Variants in ZNF565 observed in about 807,000 individuals in gnomAD.
The protein encoded by ZNF565 is zinc finger protein 565.
In ZNF565, 27 loss-of-function variants were observed where a neutral mutation model predicts 39.4. The ratio of observed to expected loss-of-function variants is 0.69; its 90% confidence interval spans 0.51 to 0.95. The LOEUF (loss-of-function observed/expected upper bound fraction) is 0.95, where lower values mean the gene tolerates loss of function less well. Among genes scored for constraint, ZNF565 ranks in the 40% least tolerant of loss-of-function variants. The pLI, the probability that ZNF565 is intolerant of heterozygous loss-of-function variation, is 0.00. For synonymous variants in ZNF565, 185 were observed against 216.6 expected, an observed-to-expected ratio of 0.85 and a Z score of 1.28; for missense variants, 524 against 621.1, an observed-to-expected ratio of 0.84 and a Z score of 1.66.
chr19:36,232,354 GTTAC>G (rs1215343966), intron 1 of ZNF565, among the ~76,000 whole-genome samples: 1 of 151,930 alleles, frequency 6.6e-6, no homozygotes, highest in Non-Finnish European at 1.5e-5. Flanking sequence ...TAAAATGTTT[GTTAC>G]TTCTGCCTTT....
intron 4 of ZNF565, among the ~76,000 whole-genome samples, chr19:36,191,785 G>C (rs139211679): frequency 5.3e-5 from 8 of 152,134 alleles, no homozygotes; most frequent in Non-Finnish European, 1.2e-4. Context: ...AGGAATAAGG[G>C]ACACAGAAAA....
intron 2 of ZNF565, among the ~76,000 whole-genome samples, chr19:36,197,465 C>T (rs990216941): frequency 1.3e-5 from 2 of 151,772 alleles, no homozygotes; most frequent in Non-Finnish European, 2.9e-5. Context: ...GAGCAAGACC[C>T]CATCTCAAAA....
In ZNF565 at chr19:36,245,690, G is replaced by A. The variant is rs2029893606; in HGVS notation, c.-160C>T. On this transcript the variant is annotated 5_prime_UTR_variant, in exon 1 of 5. Transcript: ENST00000355114. This position sits in a 1 kb window ranked among gnomAD's most constrained non-coding sequence, Gnocchi z 4.4. ...GGTGAATGGGTTCAGGGTCTCTTAA[G>A]GACCCTCCGTTGACGATGCCTCGAG... 1 of 622,906 alleles carries A rather than the reference G, an allele frequency of 1.6e-6. No homozygotes were observed. The highest frequency in any genetic ancestry group is 2.9e-6 in the Non-Finnish European group (1 of 345,782). 38.6% of individuals were successfully genotyped at this position (622,906 alleles called of 1,614,324 possible).
chr19:36,238,452 A>G (rs771432411), intron 1 of ZNF565: 1 of 167,108 alleles, frequency 6.0e-6, no homozygotes, highest in African/African-American at 2.4e-5. Flanking sequence ...AGCTTTTTAT[A>G]TAAACATCCA....
intron 4 of ZNF565, among the ~76,000 whole-genome samples, chr19:36,187,551 T>C (rs1037864064): frequency 4.0e-5 from 6 of 149,436 alleles, no homozygotes; most frequent in East Asian, 2.0e-4. Flanking sequence ...TTGGTAGAGA[T>C]GGGGTTTCAC....
At chr19:36,201,159 GGTA>G in intron 2 of ZNF565, among the ~76,000 whole-genome samples, 2 of 152,184 alleles carry the variant, frequency 1.3e-5, no homozygotes, top group South Asian at 2.1e-4. Flanking sequence ...AAAATTAGCT[GGTA>G]GTGGTGGCAT....
At chr19:36,224,167 A>C (rs1976977409) in intron 1 of ZNF565, among the ~76,000 whole-genome samples, 1 of 152,114 alleles carries the variant, frequency 6.6e-6, no homozygotes, top group African/African-American at 2.4e-5. Context: ...GGATCACTTG[A>C]GGTCAGGAGT....
intron 4 of ZNF565, among the ~76,000 whole-genome samples, chr19:36,187,927 C>T (rs1975369093): frequency 1.3e-5 from 2 of 151,558 alleles, no homozygotes; most frequent in African/African-American, 2.4e-5. Context: ...CGTGAGCCAC[C>T]GCGCCTGGCC....
chr19:36,213,553 T>C (rs1976453736), intron 1 of ZNF565, among the ~76,000 whole-genome samples: 2 of 152,110 alleles, frequency 1.3e-5, no homozygotes, highest in Non-Finnish European at 2.9e-5. Flanking sequence ...GCCCAGCTAA[T>C]TTTTGTATTT....
At chr19:36,227,735 T>A (rs1213568657) in intron 1 of ZNF565, among the ~76,000 whole-genome samples, 1 of 152,122 alleles carries the variant, frequency 6.6e-6, no homozygotes, top group Non-Finnish European at 1.5e-5. Context: ...TGTATTTTTA[T>A]AAGGACGGTG....
intron 4 of ZNF565, among the ~76,000 whole-genome samples, chr19:36,185,452 T>C (rs768441233): frequency 9.9e-5 from 15 of 150,928 alleles, no homozygotes; most frequent in Non-Finnish European, 2.1e-4. Context: ...CTCACTGCCA[T>C]GGCTCACAGG....
intron 1 of ZNF565, among the ~76,000 whole-genome samples, chr19:36,209,117 C>T (rs1976259932): frequency 6.6e-6 from 1 of 152,124 alleles, no homozygotes; most frequent in African/African-American, 2.4e-5. Flanking sequence ...CAGGCGTAAT[C>T]ATTTACGCCT....
upstream of ZNF565, chr19:36,215,150 C>T (rs1976542331): frequency 1.3e-5 from 2 of 152,202 alleles, no homozygotes; most frequent in Admixed American, 1.3e-4. Flanking sequence ...TGGTCTTTGT[C>T]CGCGGGTCAG....
chr19:36,220,952 C>T (rs1360721186), intron 1 of ZNF565, among the ~76,000 whole-genome samples: 4 of 151,380 alleles, frequency 2.6e-5, no homozygotes, highest in African/African-American at 4.9e-5. Context: ...TCCCCAGTTC[C>T]AGCGATTCTC....
chr19:36,226,621 T>C (rs1048218641), intron 1 of ZNF565, among the ~76,000 whole-genome samples: 3 of 152,220 alleles, frequency 2.0e-5, no homozygotes, highest in African/African-American at 7.2e-5. Flanking sequence ...ATGCTTCCTT[T>C]ATCTATAAAT....
At chr19:36,202,763 G>A (rs1421930269) in intron 1 of ZNF565, among the ~76,000 whole-genome samples, 1 of 152,096 alleles carries the variant, frequency 6.6e-6, no homozygotes, top group African/African-American at 2.4e-5. Flanking sequence ...GCTTCTCTGG[G>A]CTCAACAGGC....
At chr19:36,188,083 G>A (rs920992475) in intron 4 of ZNF565, among the ~76,000 whole-genome samples, 18 of 151,498 alleles carry the variant, frequency 1.2e-4, no homozygotes, top group Non-Finnish European at 2.4e-4. Context: ...GGGGCCAGGC[G>A]TAGTGGCTCA....
At chr19:36,239,271 C>T (rs1391029488) in intron 1 of ZNF565, among the ~76,000 whole-genome samples, 1 of 151,600 alleles carries the variant, frequency 6.6e-6, no homozygotes, top group Non-Finnish European at 1.5e-5. Context: ...CAGTTTTCCT[C>T]TCCTGCATAT....
At chr19:36,191,969 C>T (rs932727599) in intron 4 of ZNF565, among the ~76,000 whole-genome samples, 1 of 151,854 alleles carries the variant, frequency 6.6e-6, no homozygotes, top group Non-Finnish European at 1.5e-5. Context: ...CAAGACAGGC[C>T]CTATCTTACC....
Sources: gnomAD v4.1 joint callset for allele counts (sites outside exome capture counted in the v4.1 genomes callset) on GRCh38, gnomAD v4.1.1 for gene constraint, Gnocchi (gnomAD v3.1) non-coding constraint, MANE v1.5 for transcripts, NCBI Gene and HGNC (gene_info 2026-07-23, HGNC 2026-07-21) for gene names.